PALLD: variants seen among roughly 807,000 people sequenced by gnomAD.
PALLD encodes the protein palladin, cytoskeletal associated protein.
PALLD carries 61 observed loss-of-function variants against 123.5 expected under a neutral mutation model. The observed-to-expected ratio is 0.49, with a 90% CI of 0.40 to 0.61. The LOEUF is 0.61. Among genes scored for constraint, PALLD ranks in the 20% least tolerant of loss-of-function variants. The pLI is 0.00. For missense variants in PALLD, 1,273 were observed against 1,377.0 expected (o/e 0.92, Z 1.20); for synonymous variants, 465 against 496.4 (o/e 0.94, Z 0.84).
At chr4:168,813,492 C>G (rs1046916514) in intron 10 of PALLD, among the ~76,000 whole-genome samples, 1 of 152,164 alleles carries the variant, frequency 6.6e-6, no homozygotes, top group Non-Finnish European at 1.5e-5. Context: ...AGGTCTTGCT[C>G]TGTCACCCAG....
intron 2 of PALLD, among the ~76,000 whole-genome samples, chr4:168,582,909 A>G (rs1770439437): frequency 6.6e-6 from 1 of 152,128 alleles, no homozygotes; most frequent in Non-Finnish European, 1.5e-5. Flanking sequence ...AAGGCTTTGC[A>G]CTCTTAATTG....
At chr4:168,590,075 C>G (rs9884698) in intron 2 of PALLD, among the ~76,000 whole-genome samples, 1 of 152,212 alleles carries the variant, frequency 6.6e-6, no homozygotes, top group Non-Finnish European at 1.5e-5. Context: ...CAGTGGCTCA[C>G]GCCTGTAATC....
At chr4:168,886,827 A>G (rs771245025) in intron 10 of PALLD, among the ~76,000 whole-genome samples, 36 of 152,132 alleles carry the variant, frequency 2.4e-4, no homozygotes, top group Non-Finnish European at 4.7e-4. Context: ...GTGACTTGTT[A>G]TAAGATAGAG....
rs372708613 is a variant in PALLD, at chr4:168,915,926, G to A, written c.2749G>A (p.Glu917Lys). Residue 917 changes from glutamate to lysine, a missense_variant, in exon 17 of 22, where the codon GAA (glutamate) becomes AAA (lysine). Physicochemically the swap from Glu to Lys is moderately conservative, Grantham distance 56. This residue lies in a region of PALLD where 329 missense variants were observed against 422.5 expected (regional missense o/e 0.78). Coordinates refer to ENST00000505667, the MANE Select transcript of PALLD (RefSeq NM_001166108.2). ...PRSRSRDSGD[E>K]NEPIQERFFR... is the part of the protein sequence containing the mutation. ...TTCTAGATCAAGGGACAGTGGAGAC[G>A]AAAATGAACCAATTCAGGAGCGATT... is the stretch of plus-strand genomic sequence containing the variant. 4.6e-5 allele frequency: 75 copies of A among 1,613,112 alleles called. No homozygotes were observed. The highest frequency in any genetic ancestry group is 2.3e-4 in the African/African-American group (17 of 74,884).
intron 2 of PALLD, among the ~76,000 whole-genome samples, chr4:168,606,497 A>T (rs528855757): frequency 6.6e-6 from 1 of 151,800 alleles, no homozygotes; most frequent in South Asian, 2.1e-4. Context: ...ACACGGTGAA[A>T]CCCCGTCTCT....
At chr4:168,638,423 G>A (rs1218335609) in intron 2 of PALLD, among the ~76,000 whole-genome samples, 2 of 152,126 alleles carry the variant, frequency 1.3e-5, no homozygotes, top group South Asian at 2.1e-4. Context: ...TGATCTCCTG[G>A]CAGGCCTTCC....
At chr4:168,877,504 A>C (rs987781150) in intron 10 of PALLD, among the ~76,000 whole-genome samples, 2 of 152,212 alleles carry the variant, frequency 1.3e-5, no homozygotes, top group African/African-American at 4.8e-5. Flanking sequence ...GTGAAACTTA[A>C]ATGAGAGTGA....
chr4:168,803,169 G>A (rs551642053), intron 10 of PALLD, among the ~76,000 whole-genome samples: 1 of 152,330 alleles, frequency 6.6e-6, no homozygotes, highest in South Asian at 2.1e-4. Flanking sequence ...TTGACTCACA[G>A]TTCCACAGGC....
At chr4:168,692,132 G>T (rs939224746) in intron 8 of PALLD, among the ~76,000 whole-genome samples, 1 of 152,150 alleles carries the variant, frequency 6.6e-6, no homozygotes, top group East Asian at 1.9e-4. Context: ...CTTGCCACAT[G>T]TGTCTTAGGA....
chr4:168,691,240 C>G (rs1454320998), intron 7 of PALLD, 29 bp from the exon 8 acceptor site: 1 of 1,565,976 alleles, frequency 6.4e-7, no homozygotes, highest in African/African-American at 1.4e-5. Flanking sequence ...ATACTTTGTT[C>G]TAATTTATTT....
intron 10 of PALLD, among the ~76,000 whole-genome samples, chr4:168,722,568 A>G (rs1786126939): frequency 6.6e-6 from 1 of 152,228 alleles, no homozygotes. Context: ...ACTGTGGGTA[A>G]TATTACAAAG....
At chr4:168,597,135 G>T (rs937435653) in intron 2 of PALLD, among the ~76,000 whole-genome samples, 1 of 151,986 alleles carries the variant, frequency 6.6e-6, no homozygotes, top group Non-Finnish European at 1.5e-5. Context: ...GACAACTCTG[G>T]CAAAGATAAT....
intron 2 of PALLD, among the ~76,000 whole-genome samples, chr4:168,613,521 A>G (rs1773933577): frequency 6.6e-6 from 1 of 152,202 alleles, no homozygotes; most frequent in Non-Finnish European, 1.5e-5. Context: ...TGCATCCTGT[A>G]TTCCAGATAA....
At chr4:168,637,500 T>TAA (rs113307520) in intron 2 of PALLD, among the ~76,000 whole-genome samples, 9,085 of 145,290 alleles carry the variant, frequency 0.063, 371 homozygotes, top group Non-Finnish European at 0.089. Flanking sequence ...ACTTTTTATT[T>TAA]AAAAAAAAAA....
intron 2 of PALLD, among the ~76,000 whole-genome samples, chr4:168,602,030 A>G (rs1305431387): frequency 1.3e-5 from 2 of 152,190 alleles, no homozygotes; most frequent in Non-Finnish European, 1.5e-5. Context: ...CCGGGCAACC[A>G]CCATCCAGCA....
intron 1 of PALLD, among the ~76,000 whole-genome samples, chr4:168,502,576 T>C (rs1419885100): frequency 6.6e-6 from 1 of 152,148 alleles, no homozygotes; most frequent in African/African-American, 2.4e-5. Context: ...CAACAGTTGA[T>C]AAAACAGAAG....
chr4:168,584,725 A>G (rs1481169994), intron 2 of PALLD, among the ~76,000 whole-genome samples: 1 of 152,228 alleles, frequency 6.6e-6, no homozygotes, highest in Non-Finnish European at 1.5e-5. Flanking sequence ...GTGTTTCTGA[A>G]TATGAACATT....
chr4:168,856,287 C>A (rs2151004962), intron 10 of PALLD, among the ~76,000 whole-genome samples: 1 of 152,264 alleles, frequency 6.6e-6, no homozygotes, highest in African/African-American at 2.4e-5. Context: ...CTGTTGTGAA[C>A]AGTGCTATGA....
chr4:168,853,500 A>G (rs1748105664), intron 10 of PALLD, among the ~76,000 whole-genome samples: 1 of 152,152 alleles, frequency 6.6e-6, no homozygotes, highest in Admixed American at 6.5e-5. Flanking sequence ...ATGTGCCACA[A>G]CCTCTGAGGG....
Sources: gnomAD v4.1 joint callset for allele counts (sites outside exome capture counted in the v4.1 genomes callset) on GRCh38, gnomAD v4.1.1 for gene constraint, gnomAD v4.1.1 regional missense constraint, MANE v1.5 for transcripts, NCBI Gene and HGNC (gene_info 2026-07-23, HGNC 2026-07-21) for gene names.